Variants in STARD13 observed in about 807,000 individuals in gnomAD.
STARD13 encodes StAR related lipid transfer domain containing 13.
Under a neutral mutation model 106.4 loss-of-function variants are expected in STARD13, and 62 were observed. The observed-to-expected ratio is 0.58, with a 90% CI of 0.48 to 0.72. The LOEUF (loss-of-function observed/expected upper bound fraction) is 0.72, where lower values mean the gene tolerates loss of function less well. Ranked by LOEUF, STARD13 falls within the 30% of genes least tolerant of loss-of-function variation. The pLI is 0.00. For missense variants in STARD13, 1,387 were observed against 1,424.0 expected (o/e 0.97, Z 0.42); for synonymous variants, 565 against 553.0 (o/e 1.02, Z -0.31).
chr13:33,341,877 C>T (rs1233231781), intron 1 of STARD13, among the ~76,000 whole-genome samples: 3 of 151,912 alleles, frequency 2.0e-5, no homozygotes, highest in Non-Finnish European at 2.9e-5. Context: ...GCAACCTCCT[C>T]CTCTTGGGTT....
the STARD13 span, among the ~76,000 whole-genome samples, chr13:33,608,229 A>T: frequency 6.6e-6 from 1 of 152,226 alleles, no homozygotes; most frequent in African/African-American, 2.4e-5. Context: ...TTTAAAAGAC[A>T]TGCAAGAAGA....
chr13:33,642,771 C>T, the STARD13 span, among the ~76,000 whole-genome samples: 1 of 150,712 alleles, frequency 6.6e-6, no homozygotes, highest in Non-Finnish European at 1.5e-5. Flanking sequence ...CCTCAAAGGC[C>T]GGATGACAGT....
intron 1 of STARD13, among the ~76,000 whole-genome samples, chr13:33,317,727 G>T (rs1893393776): frequency 6.6e-6 from 1 of 151,924 alleles, no homozygotes; most frequent in Non-Finnish European, 1.5e-5. Flanking sequence ...TATATTTATT[G>T]ATTTATTTGC....
the STARD13 span, among the ~76,000 whole-genome samples, chr13:33,372,161 C>T: frequency 6.6e-6 from 1 of 152,102 alleles, no homozygotes; most frequent in Non-Finnish European, 1.5e-5. Context: ...ATATATGTAA[C>T]CTCCATATAT....
At chr13:33,329,643 T>TGTGTGTGTG (rs2077813898) in intron 1 of STARD13, among the ~76,000 whole-genome samples, 1 of 103,912 alleles carries the variant, frequency 9.6e-6, no homozygotes, top group African/African-American at 3.7e-5. Flanking sequence ...TAATATTCCA[T>TGTGTGTGTG]TGTGTGTGTG....
At chr13:33,623,428 TAAAAAAAAAAAAAAAA>T in the STARD13 span, among the ~76,000 whole-genome samples, 1 of 59,298 alleles carries the variant, frequency 1.7e-5, no homozygotes, top group Non-Finnish European at 5.1e-5. Context: ...CTCAATAAAG[TAAAAAAAAAAAAAAAA>T]AAAAAAAAAG....
At chr13:33,295,248 T>A (rs2138443941) in intron 1 of STARD13, among the ~76,000 whole-genome samples, 1 of 152,156 alleles carries the variant, frequency 6.6e-6, no homozygotes, top group East Asian at 1.9e-4. Context: ...TAGCAACATT[T>A]TAAAAATCCT....
chr13:33,579,409 G>A, the STARD13 span, among the ~76,000 whole-genome samples: 2 of 151,962 alleles, frequency 1.3e-5, no homozygotes, highest in African/African-American at 4.8e-5. Flanking sequence ...AGTAAATACT[G>A]TATGTTCTCA....
intron 3 of STARD13, among the ~76,000 whole-genome samples, chr13:33,147,069 C>A (rs1257954446): frequency 1.3e-5 from 2 of 152,226 alleles, no homozygotes; most frequent in Non-Finnish European, 2.9e-5. Flanking sequence ...TGACTCAAAT[C>A]ATTACTGAAA....
At chr13:33,500,881 T>A in the STARD13 span, among the ~76,000 whole-genome samples, 2 of 152,138 alleles carry the variant, frequency 1.3e-5, no homozygotes, top group East Asian at 3.9e-4. Flanking sequence ...GTTTTTCAAT[T>A]TAAACAATGG....
chr13:33,138,648 G>GT, intron 4 of STARD13: 1 of 271,692 alleles, frequency 3.7e-6, no homozygotes, highest in Admixed American at 5.2e-5. Context: ...GGGCCTGCCT[G>GT]TTTGGAAGCA....
chr13:33,417,290 G>A, the STARD13 span, among the ~76,000 whole-genome samples: 1 of 152,204 alleles, frequency 6.6e-6, no homozygotes, highest in South Asian at 2.1e-4. Context: ...TTAAACTGGT[G>A]CAGCCATTTT....
At chr13:33,446,357 TAGA>T in the STARD13 span, among the ~76,000 whole-genome samples, 1 of 152,012 alleles carries the variant, frequency 6.6e-6, no homozygotes, top group Middle Eastern at 3.4e-3. Context: ...GACTCTTAGC[TAGA>T]AGGAGGGAAG....
chr13:33,503,991 G>A, the STARD13 span, among the ~76,000 whole-genome samples: 1 of 152,146 alleles, frequency 6.6e-6, no homozygotes, highest in Admixed American at 6.5e-5. Flanking sequence ...GCAGCCAACA[G>A]ACACATGAAA....
chr13:33,195,175 C>T (rs145407784), intron 1 of STARD13, among the ~76,000 whole-genome samples: 2 of 152,294 alleles, frequency 1.3e-5, no homozygotes, highest in African/African-American at 4.8e-5. Context: ...ATTAAAATGC[C>T]TAATCTGCCA....
the STARD13 span, among the ~76,000 whole-genome samples, chr13:33,586,508 T>C: frequency 6.6e-6 from 1 of 152,304 alleles, no homozygotes; most frequent in South Asian, 2.1e-4. Flanking sequence ...TCAACAAAAA[T>C]ACTAGTGGAT....
At chr13:33,564,596 C>G in the STARD13 span, among the ~76,000 whole-genome samples, 4 of 147,194 alleles carry the variant, frequency 2.7e-5, 1 homozygote, top group African/African-American at 1.0e-4. Context: ...TACTCCAGCA[C>G]TAGTCACAAC....
chr13:33,646,068 A>T, the STARD13 span, among the ~76,000 whole-genome samples: 1 of 152,224 alleles, frequency 6.6e-6, no homozygotes, highest in Non-Finnish European at 1.5e-5. Flanking sequence ...ATCAAAGCAA[A>T]TGCAAAATCA....
chr13:33,485,727 A>T, the STARD13 span, among the ~76,000 whole-genome samples: 1 of 152,204 alleles, frequency 6.6e-6, no homozygotes, highest in African/African-American at 2.4e-5. Context: ...AGGTACCATC[A>T]TTGATAGTAC....
Sources: gnomAD v4.1 joint callset for allele counts (sites outside exome capture counted in the v4.1 genomes callset) on GRCh38, gnomAD v4.1.1 for gene constraint, MANE v1.5 for transcripts, NCBI Gene and HGNC (gene_info 2026-07-23, HGNC 2026-07-21) for gene names.